Variants in LRBA observed in about 807,000 individuals in gnomAD.
LRBA encodes the protein LPS responsive beige-like anchor protein, also known as lipopolysaccharide-responsive and beige-like anchor protein.
LRBA carries 176 observed loss-of-function variants against 330.0 expected under a neutral mutation model. That is an observed-to-expected ratio of 0.53 (90% confidence interval 0.47 to 0.60). LRBA has a LOEUF of 0.60. Among genes scored for constraint, LRBA ranks in the 20% least tolerant of loss-of-function variants. The pLI, the probability that LRBA is intolerant of heterozygous loss-of-function variation, is 0.00. For synonymous variants in LRBA, 1,230 were observed against 1,193.0 expected (o/e 1.03, Z -0.64); for missense variants, 3,259 against 3,444.8 (o/e 0.95, Z 1.35).
intron 47 of LRBA, among the ~76,000 whole-genome samples, chr4:150,391,133 T>C (rs1015148493): frequency 6.6e-6 from 1 of 152,176 alleles, no homozygotes; most frequent in African/African-American, 2.4e-5. Context: ...AAAAAGCAAC[T>C]GTGTGTCCTC....
At chr4:150,683,152 A>C (rs1331961261) in intron 37 of LRBA, among the ~76,000 whole-genome samples, 1 of 152,160 alleles carries the variant, frequency 6.6e-6, no homozygotes. Flanking sequence ...TAACTAAAAA[A>C]TATAAAAAGA....
chr4:150,769,796 C>G (rs925961506), intron 34 of LRBA, among the ~76,000 whole-genome samples: 1 of 152,210 alleles, frequency 6.6e-6, no homozygotes. Context: ...CCCTTGTCAG[C>G]TTGGCACTCA....
At chr4:150,579,613 G>T in intron 40 of LRBA, 1 of 455,652 alleles carries the variant, frequency 2.2e-6, no homozygotes, top group South Asian at 1.6e-5. Flanking sequence ...GTGGAGAAGC[G>T]TAGGGGCAAG....
chr4:151,003,491 G>A (rs1304222680), intron 2 of LRBA, among the ~76,000 whole-genome samples: 1 of 151,676 alleles, frequency 6.6e-6, no homozygotes, highest in Admixed American at 6.6e-5. Flanking sequence ...CAAAGCTGGA[G>A]GTGTCACACT....
intron 37 of LRBA, among the ~76,000 whole-genome samples, chr4:150,635,772 C>T (rs1167634236): frequency 3.9e-5 from 6 of 152,108 alleles, no homozygotes; most frequent in Non-Finnish European, 8.8e-5. Context: ...ATTTTAAGCA[C>T]CACTCAAATT....
intron 31 of LRBA, among the ~76,000 whole-genome samples, chr4:150,816,146 G>A (rs766933766): frequency 2.0e-5 from 3 of 151,858 alleles, no homozygotes; most frequent in Admixed American, 1.3e-4. Flanking sequence ...AAATAAAGGT[G>A]GAACAGCAGA....
At chr4:150,584,176 A>G in intron 40 of LRBA, 1 of 1,432,716 alleles carries the variant, frequency 7.0e-7, no homozygotes, top group East Asian at 2.4e-5. Context: ...ACTCTGCTAT[A>G]AACAGCAGAA....
At chr4:150,585,332 T>A (rs778814959) in intron 40 of LRBA, among the ~76,000 whole-genome samples, 82 of 152,206 alleles carry the variant, frequency 5.4e-4, no homozygotes, top group Non-Finnish European at 1.0e-3. Flanking sequence ...ATGATTATTT[T>A]AATCAAATTT....
chr4:150,762,526 AC>A (rs1356158695), intron 34 of LRBA, among the ~76,000 whole-genome samples: 2 of 151,844 alleles, frequency 1.3e-5, no homozygotes, highest in African/African-American at 4.8e-5. Flanking sequence ...AATCCTTAAA[AC>A]AAAAAATATA....
At chr4:150,939,053 G>T (rs1248159889) in intron 2 of LRBA, among the ~76,000 whole-genome samples, 1 of 152,062 alleles carries the variant, frequency 6.6e-6, no homozygotes, top group African/African-American at 2.4e-5. Context: ...ATGTGCCCTG[G>T]TAAGTTGAGA....
intron 42 of LRBA, among the ~76,000 whole-genome samples, chr4:150,473,425 T>C (rs932303695): frequency 5.9e-5 from 9 of 152,202 alleles, no homozygotes; most frequent in Admixed American, 2.0e-4. Flanking sequence ...TCTGGGTATA[T>C]CTGTGATGGC....
chr4:150,867,968 A>G (rs894259477), intron 21 of LRBA, 105 bp from the exon 22 acceptor site: 1 of 1,014,826 alleles, frequency 9.9e-7, no homozygotes, highest in South Asian at 1.8e-5. Flanking sequence ...TTCCCCCCGA[A>G]AAAGAAACAC....
At chr4:150,644,695 A>C (rs1286385973) in intron 37 of LRBA, among the ~76,000 whole-genome samples, 4 of 151,936 alleles carry the variant, frequency 2.6e-5, no homozygotes, top group Non-Finnish European at 4.4e-5. Flanking sequence ...GACTATTTTG[A>C]AGTGATTGAA....
At chr4:150,623,476 A>G (rs1281570696) in intron 37 of LRBA, among the ~76,000 whole-genome samples, 2 of 152,194 alleles carry the variant, frequency 1.3e-5, no homozygotes, top group African/African-American at 4.8e-5. Flanking sequence ...AGGTAGATAT[A>G]CATAAAATAG....
chr4:150,588,725 C>A (rs1017150455), intron 39 of LRBA, among the ~76,000 whole-genome samples: 1 of 152,178 alleles, frequency 6.6e-6, no homozygotes. Flanking sequence ...AACAACTTTA[C>A]CCCATCAATG....
At chr4:150,967,564 T>C (rs970970170) in intron 2 of LRBA, among the ~76,000 whole-genome samples, 4 of 152,262 alleles carry the variant, frequency 2.6e-5, no homozygotes, top group African/African-American at 9.6e-5. Flanking sequence ...CATCATTTTA[T>C]GGCACTTCAT....
chr4:150,721,525 T>C lies in LRBA; in HGVS notation c.5754+13733A>G, dbSNP rs74611975. On this transcript the variant is annotated intron_variant, in intron 36 of 56. Transcript: ENST00000651943. The stretch of plus-strand genomic sequence containing the variant: ...TAAGAAGAACTGGGTTTTTTTTTTT[T>C]CCTCTTCCTTTTGGGAAGACAATGT... The C allele has an allele frequency of 4.1e-5, 9 of 217,844 alleles. No homozygotes were observed. In the South Asian group the frequency reaches 6.7e-4, roughly 16 times the overall value. 13.5% of individuals were successfully genotyped at this position (217,844 alleles called of 1,614,324 possible).
chr4:150,348,067 G>A (rs1430380439), intron 48 of LRBA, among the ~76,000 whole-genome samples: 1 of 152,180 alleles, frequency 6.6e-6, no homozygotes, highest in African/African-American at 2.4e-5. Flanking sequence ...TGGTTTATTA[G>A]ACAGTGCAGA....
At chr4:150,415,323 T>A in intron 47 of LRBA, 115 bp downstream of exon 47, 1 of 761,248 alleles carries the variant, frequency 1.3e-6, no homozygotes, top group East Asian at 2.6e-5. Context: ...TTTCAGTTAG[T>A]CCTATCACCT....
Sources: gnomAD v4.1 joint callset for allele counts (sites outside exome capture counted in the v4.1 genomes callset) on GRCh38, gnomAD v4.1.1 for gene constraint, MANE v1.5 for transcripts, NCBI Gene and HGNC (gene_info 2026-07-23, HGNC 2026-07-21) for gene names.